The following RHOF variants were observed in gnomAD, a reference collection of about 807,000 sequenced individuals.
RHOF encodes the protein rho-related GTP-binding protein RhoF.
RHOF carries 21 observed loss-of-function variants against 22.2 expected under a neutral mutation model. The observed-to-expected ratio is 0.95, with a 90% CI of 0.67 to 1.36. The LOEUF is 1.36. Ranked by LOEUF, RHOF falls within the 40% of genes most tolerant of loss-of-function variation. The pLI is 0.00. For missense variants in RHOF, 285 were observed against 293.7 expected, an observed-to-expected ratio of 0.97 and a Z score of 0.22; for synonymous variants, 135 against 131.2, an observed-to-expected ratio of 1.03 and a Z score of -0.20.
At chr12:121,785,124 GA>G (rs1246950763) in intron 2 of RHOF, among the ~76,000 whole-genome samples, 1 of 152,154 alleles carries the variant, frequency 6.6e-6, no homozygotes, top group Non-Finnish European at 1.5e-5. Context: ...AGGAGTTCAA[GA>G]CCAGCCTGGC....
In RHOF at chr12:121,780,855, T is replaced by C. The variant is rs1478834660; in HGVS notation, c.471+17A>G. The C allele has an allele frequency of 3.1e-6, 5 of 1,609,302 alleles. No homozygotes were observed. In the South Asian group the frequency reaches 5.5e-5, roughly 18 times the overall value. On this transcript the variant is annotated intron_variant, in intron 4 of 4. Transcript: ENST00000267205. ...TCACAGCCACGGCTGTGCCCCAGGG[T>C]CTTGGCCCCGGCCCACCTGCATGTA...
chr12:121,787,417 A>G (rs1874636206), intron 2 of RHOF, among the ~76,000 whole-genome samples: 1 of 152,222 alleles, frequency 6.6e-6, no homozygotes, highest in African/African-American at 2.4e-5. Context: ...CCAGTCCCCA[A>G]GGTCAGCTGC....
rs932062667 is a variant in RHOF, at chr12:121,793,153, G to A, written c.225C>T (p.Ala75=). The part of the protein sequence containing the change: ...KEVTLNLYDT[A]GQEDYDRLRP... ...CCCCCGGCGCGCAGGCGCACTCACC[G>A]GCCGTGTCGTAGAGGTTCAGGGTCA... The change falls in exon 2 of 5, where the codon GCC becomes GCT. Residue 75 remains alanine (A), a splice_region_variant and synonymous_variant. Coordinates refer to ENST00000267205, the MANE Select transcript of RHOF (RefSeq NM_019034.3). The A allele has an allele frequency of 8.4e-6, 13 of 1,549,710 alleles. No homozygotes were observed. In the African/African-American group the frequency reaches 1.1e-4, roughly 13 times the overall value.
At chr12:121,781,457 C>T (rs978963282) in intron 2 of RHOF, 5 of 413,616 alleles carry the variant, frequency 1.2e-5, no homozygotes, top group East Asian at 5.0e-5. Flanking sequence ...GGTGACAGAG[C>T]GAGACCCTGT....
chr12:121,790,244 C>T (rs1321488188), intron 2 of RHOF, among the ~76,000 whole-genome samples: 1 of 152,266 alleles, frequency 6.6e-6, no homozygotes, highest in Non-Finnish European at 1.5e-5. Context: ...AATTCAGCCT[C>T]TGAGAGCCAC....
rs1021004504 is a variant in RHOF at position 121,778,587 on chromosome 12, G to A, written c.*911C>T. 1 of 152,138 alleles carries A rather than the reference G, an allele frequency of 6.6e-6. No individual in the cohort carries two copies. Among genetic ancestry groups the A allele is most frequent in the Non-Finnish European group, 1.5e-5 (1 of 68,034 alleles). 9.4% of individuals were successfully genotyped at this position (152,138 alleles called of 1,614,324 possible). A position where few individuals can be genotyped will look rare whatever the true frequency, so the allele number is the denominator to read the frequency against. On this transcript the variant is annotated 3_prime_UTR_variant, in exon 5 of 5. Coordinates refer to ENST00000267205, the MANE Select transcript of RHOF (RefSeq NM_019034.3). The stretch of plus-strand genomic sequence containing the variant: ...CTGAGAAACTGTCCCGCGTGGACAG[G>A]GGGTAGATCCCATCAGTTCTCAAAG...
chr12:121,790,077 G>A (rs976013572), intron 2 of RHOF, among the ~76,000 whole-genome samples: 3 of 152,200 alleles, frequency 2.0e-5, no homozygotes, highest in African/African-American at 7.2e-5. Context: ...TCCCTTCTGA[G>A]CCCTGCGAGC....
chr12:121,790,315 G>A (rs188817144), intron 2 of RHOF, among the ~76,000 whole-genome samples: 2 of 152,256 alleles, frequency 1.3e-5, no homozygotes, highest in Admixed American at 6.5e-5. Context: ...CACTGTGTGT[G>A]GCCCATTGGG....
At position 121,793,584 on chromosome 12, in the gene RHOF, C is replaced by T; in HGVS notation, c.50G>A (p.Arg17Lys). ...CACGATCACGATCTTCAGCTCCTTC[C>T]TGCCCGGACCGGGGGCGGCGGTCTG... Reference protein sequence around the residue: ...LAQTAAPGPGRKELKIVIVGD... With the variant: ...LAQTAAPGPGKKELKIVIVGD... Residue 17 changes from arginine to lysine, a missense_variant, in exon 1 of 5, where the codon AGG (arginine) becomes AAG (lysine). Coordinates refer to ENST00000267205, the MANE Select transcript of RHOF (RefSeq NM_019034.3). The T allele has an allele frequency of 6.4e-7, 1 of 1,553,024 alleles. No individual in the cohort carries two copies. Among genetic ancestry groups the T allele is most frequent in the Non-Finnish European group, 8.7e-7 (1 of 1,153,356 alleles).
In RHOF at chr12:121,779,638, G is replaced by C; in HGVS notation, c.496C>G (p.Arg166Gly). 6.2e-7 allele frequency: 1 copy of C among 1,614,064 alleles called. No homozygotes were observed. Among genetic ancestry groups the C allele is most frequent in the Non-Finnish European group, 8.5e-7 (1 of 1,179,938 alleles). The change falls in exon 5 of 5, where the codon CGA becomes GGA. Residue 166 changes from arginine to glycine, a missense_variant. Transcript: ENST00000267205. ...MQGLSACEQI[R>G]AALYLECSAK... ...GAACATTCCAGGTAGAGAGCAGCTC[G>C]GATCTGTTCGCAGGCGCTCAGGCCC...
intron 2 of RHOF, among the ~76,000 whole-genome samples, chr12:121,786,089 T>A (rs1461933069): frequency 6.6e-6 from 1 of 150,728 alleles, no homozygotes; most frequent in African/African-American, 2.4e-5. Context: ...CTAATTTTTT[T>A]TTTATTTTTT....
intron 2 of RHOF, among the ~76,000 whole-genome samples, chr12:121,790,682 C>T (rs779381198): frequency 1.3e-4 from 20 of 152,154 alleles, no homozygotes; most frequent in Non-Finnish European, 2.2e-4. Context: ...TCCTTGGGGT[C>T]TGTCAGACTG....
At chr12:121,780,833 C>G in intron 4 of RHOF, 39 bp downstream of exon 4, 1 of 1,593,218 alleles carries the variant, frequency 6.3e-7, no homozygotes, top group African/African-American at 1.3e-5. Context: ...GGAGGCTTCA[C>G]AGCCACGGCT....
chr12:121,782,242 GC>G (rs35246548), intron 2 of RHOF: 29,896 of 152,056 alleles, frequency 0.2, 3,401 homozygotes, highest in African/African-American at 0.31. Context: ...CCTGCCCCAA[GC>G]CCCCAGAAAC....
In RHOF at chr12:121,793,595, G is replaced by C; in HGVS notation, c.39C>G (p.Pro13=). ...APGALAQTAA[P]GPGRKELKIV... ...TCTTCAGCTCCTTCCTGCCCGGACCGGGGGCGGCGGTCTGGGCCAGGGCCC... is the reference window on the plus strand; with the variant it reads ...TCTTCAGCTCCTTCCTGCCCGGACCCGGGGCGGCGGTCTGGGCCAGGGCCC... Residue 13 remains proline, a synonymous_variant, in exon 1 of 5, where the codon CCC becomes CCG. Transcript: ENST00000267205. 2 of 1,551,286 alleles carry C rather than the reference G, an allele frequency of 1.3e-6. No homozygotes were observed. The highest frequency in any genetic ancestry group is 1.7e-6 in the Non-Finnish European group (2 of 1,153,416).
At chr12:121,781,220 G>C in intron 2 of RHOF, 28 bp from the exon 3 acceptor site, 2 of 1,602,696 alleles carry the variant, frequency 1.2e-6, no homozygotes, top group Non-Finnish European at 8.5e-7. Flanking sequence ...CGGGGGTCAG[G>C]GGACGTCCCC....
intron 2 of RHOF, among the ~76,000 whole-genome samples, chr12:121,791,245 C>T (rs549483372): frequency 6.6e-6 from 1 of 152,318 alleles, no homozygotes; most frequent in East Asian, 1.9e-4. Context: ...CCTGCCTCAG[C>T]CTCCCGAGTA....
At chr12:121,789,281 A>G (rs1053915622) in intron 2 of RHOF, among the ~76,000 whole-genome samples, 1 of 151,560 alleles carries the variant, frequency 6.6e-6, no homozygotes. Context: ...CAAAGGATGC[A>G]CGTGCTTCTG....
At chr12:121,788,134 A>G (rs919740977) in intron 2 of RHOF, among the ~76,000 whole-genome samples, 1 of 152,112 alleles carries the variant, frequency 6.6e-6, no homozygotes, top group Non-Finnish European at 1.5e-5. Context: ...GGTAGACACT[A>G]TTGTTGGCCC....
Sources: gnomAD v4.1 joint callset for allele counts (sites outside exome capture counted in the v4.1 genomes callset) on GRCh38, gnomAD v4.1.1 for gene constraint, MANE v1.5 for transcripts, NCBI Gene and HGNC (gene_info 2026-07-23, HGNC 2026-07-21) for gene names.